The following SSMEM1 variants were observed in gnomAD, a reference collection of about 807,000 sequenced individuals.
SSMEM1 encodes serine rich single-pass membrane protein 1, also known as serine-rich single-pass membrane protein 1.
SSMEM1 carries 12 observed loss-of-function variants against 9.9 expected under a neutral mutation model. The ratio of observed to expected loss-of-function variants is 1.21; its 90% CI spans 0.78 to 1.96. The LOEUF (loss-of-function observed/expected upper bound fraction) is 1.96, where lower values mean the gene tolerates loss of function less well. Ranked by LOEUF, SSMEM1 falls within the 30% of genes most tolerant of loss-of-function variation. SSMEM1 has a pLI of 0.00. For synonymous variants in SSMEM1, 96 were observed against 98.9 expected, an observed-to-expected ratio of 0.97 and a Z score of 0.17; for missense variants, 259 against 292.2, an observed-to-expected ratio of 0.89 and a Z score of 0.83.
At chr7:130,212,761 C>CA (rs545989908) in intron 1 of SSMEM1, among the ~76,000 whole-genome samples, 3 of 151,220 alleles carry the variant, frequency 2.0e-5, no homozygotes, top group African/African-American at 7.3e-5. Context: ...AAAAACAAAA[C>CA]AAAAAAACAA....
At chr7:130,208,658 T>G (rs1348812065) in intron 1 of SSMEM1, among the ~76,000 whole-genome samples, 3 of 152,212 alleles carry the variant, frequency 2.0e-5, no homozygotes, top group Non-Finnish European at 4.4e-5. Flanking sequence ...GTGATTCTAA[T>G]CAAAGATATG....
intron 1 of SSMEM1, among the ~76,000 whole-genome samples, chr7:130,212,429 A>G (rs1798608158): frequency 6.6e-6 from 1 of 152,154 alleles, no homozygotes; most frequent in African/African-American, 2.4e-5. Flanking sequence ...GTCCTTTAAG[A>G]ACTAAACTAA....
intron 1 of SSMEM1, among the ~76,000 whole-genome samples, chr7:130,210,275 A>G (rs1325220732): frequency 6.6e-6 from 1 of 152,190 alleles, no homozygotes; most frequent in Non-Finnish European, 1.5e-5. Flanking sequence ...CCAGATTTGA[A>G]ATCTGAGAAC....
upstream of SSMEM1, among the ~76,000 whole-genome samples, chr7:130,206,673 AGGG>A (rs1218808767): frequency 6.6e-6 from 1 of 152,190 alleles, no homozygotes; most frequent in Non-Finnish European, 1.5e-5. Flanking sequence ...TCAAAGTGAA[AGGG>A]CTCAAGGTGC....
intron 2 of SSMEM1, among the ~76,000 whole-genome samples, chr7:130,215,219 A>T (rs1258286354): frequency 6.6e-6 from 1 of 152,172 alleles, no homozygotes; most frequent in Non-Finnish European, 1.5e-5. Context: ...CAGGAGGATC[A>T]CTTGAACCTG....
intron 1 of SSMEM1, among the ~76,000 whole-genome samples, chr7:130,211,370 A>T (rs1798588537): frequency 6.6e-6 from 1 of 152,110 alleles, no homozygotes; most frequent in South Asian, 2.1e-4. Flanking sequence ...CGTGTTAGCC[A>T]GGATGGTCTC....
At position 130,216,491 on chromosome 7, in the gene SSMEM1, C is replaced by T. The variant is rs765697399; in HGVS notation, c.*21C>T. ...TTTGAATTTTATCACGTTCTTCCTT[C>T]ACTTGAAGCCAAATGAAAGAGATGA... On this transcript the variant is annotated 3_prime_UTR_variant, in exon 3 of 3. Coordinates refer to ENST00000297819, the MANE Select transcript of SSMEM1 (RefSeq NM_145268.4). The T allele has an allele frequency of 5.0e-6, 8 of 1,600,614 alleles. No homozygotes were observed. Among genetic ancestry groups the T allele is most frequent in the African/African-American group, 4.0e-5 (3 of 74,216 alleles).
chr7:130,212,453 C>G (rs1042021089), intron 1 of SSMEM1, among the ~76,000 whole-genome samples: 1 of 152,054 alleles, frequency 6.6e-6, no homozygotes, highest in South Asian at 2.1e-4. Flanking sequence ...GGGCCAGGCG[C>G]GGTGGCTTAC....
chr7:130,216,335 C>T lies in SSMEM1; in HGVS notation c.600C>T (p.His200=). The change falls in exon 3 of 3, where the codon CAC becomes CAT. Residue 200 remains histidine, a synonymous_variant. Transcript: ENST00000297819. ...AAATGAGCGAAAGGCACTGCCTCCACTGCAAAGCCTTGAGAACCAACGAAT... is the reference window on the plus strand; with the variant it reads ...AAATGAGCGAAAGGCACTGCCTCCATTGCAAAGCCTTGAGAACCAACGAAT... ...SYQMSERHCL[H]CKALRTNEWL... 6.2e-7 allele frequency: 1 copy of T among 1,614,238 alleles called. No individual in the cohort carries two copies. Among genetic ancestry groups the T allele is most frequent in the Non-Finnish European group, 8.5e-7 (1 of 1,180,046 alleles).
chr7:130,206,306 C>T (rs1798466513), upstream of SSMEM1, among the ~76,000 whole-genome samples: 1 of 152,190 alleles, frequency 6.6e-6, no homozygotes, highest in African/African-American at 2.4e-5. Context: ...GCAGTGCTCC[C>T]CAAGGAGGCG....
At chr7:130,212,657 G>A (rs1188538122) in intron 1 of SSMEM1, among the ~76,000 whole-genome samples, 5 of 151,778 alleles carry the variant, frequency 3.3e-5, no homozygotes, top group South Asian at 2.1e-4. Context: ...CCTGGGAGGC[G>A]GAGATTTCAG....
In SSMEM1 at chr7:130,216,079, C is replaced by G. The variant is rs770136220; in HGVS notation, c.344C>G (p.Ser115Ter). ...KQNQLTPVTN[S>*]EVALVNAYPE... is the part of the protein sequence containing the mutation. ...AACCAACTTACCCCTGTAACCAACT[C>G]AGAAGTGGCTTTGGTCAATGCCTAT... Residue 115 changes from serine to a stop codon, truncating the protein, a stop_gained, in exon 3 of 3, where the codon TCA becomes TGA. Coordinates refer to ENST00000297819, the MANE Select transcript of SSMEM1 (RefSeq NM_145268.4). LOFTEE classifies it low-confidence loss of function (END_TRUNC). 6.2e-7 allele frequency: 1 copy of G among 1,614,232 alleles called. No individual in the cohort carries two copies. Among genetic ancestry groups the G allele is most frequent in the Admixed American group, 1.7e-5 (1 of 60,024 alleles).
chr7:130,216,128 C>T lies in SSMEM1; in HGVS notation c.393C>T (p.Arg131=). Residue 131 remains arginine, a synonymous_variant, in exon 3 of 3, where the codon CGC becomes CGT. Coordinates refer to ENST00000297819, the MANE Select transcript of SSMEM1 (RefSeq NM_145268.4). ...NAYPEQRRAR[R]QSQFNEVNQN... ...ATCCTGAACAAAGACGAGCCAGGCG[C>T]CAGTCTCAGTTCAATGAGGTGAACC... 1 of 1,614,158 alleles carries T rather than the reference C, an allele frequency of 6.2e-7. No homozygotes were observed. The highest frequency in any genetic ancestry group is 1.1e-5 in the South Asian group (1 of 91,070).
In SSMEM1 at chr7:130,216,118, G is replaced by C. The variant is rs759255478; in HGVS notation, c.383G>C (p.Arg128Pro). The change falls in exon 3 of 3, where the codon CGA (arginine) becomes CCA (proline). Residue 128 changes from arginine (R) to proline (P), a missense_variant. By Grantham distance (103) the Arg-to-Pro change is moderately radical (BLOSUM62 -2). Coordinates refer to ENST00000297819, the MANE Select transcript of SSMEM1 (RefSeq NM_145268.4). ...ALVNAYPEQR[R>P]ARRQSQFNEV... ...GTCAATGCCTATCCTGAACAAAGAC[G>C]AGCCAGGCGCCAGTCTCAGTTCAAT... The C allele has an allele frequency of 1.1e-5, 17 of 1,614,022 alleles. No homozygotes were observed. The highest frequency in any genetic ancestry group is 3.3e-5 in the Admixed American group (2 of 59,994).
At chr7:130,209,698 G>C (rs573545040) in intron 1 of SSMEM1, among the ~76,000 whole-genome samples, 1 of 152,302 alleles carries the variant, frequency 6.6e-6, no homozygotes, top group Non-Finnish European at 1.5e-5. Context: ...TCCTGCCTCA[G>C]CCTCCTGAGT....
At chr7:130,213,826 T>C (rs1254701075) in intron 2 of SSMEM1, among the ~76,000 whole-genome samples, 1 of 152,112 alleles carries the variant, frequency 6.6e-6, no homozygotes, top group East Asian at 1.9e-4. Flanking sequence ...ATTGTAAGAC[T>C]TTGCACACTA....
At chr7:130,209,110 G>A (rs561872387) in intron 1 of SSMEM1, among the ~76,000 whole-genome samples, 1 of 152,050 alleles carries the variant, frequency 6.6e-6, no homozygotes, top group Non-Finnish European at 1.5e-5. Flanking sequence ...TAGTCTGCCC[G>A]CTTTGGCCTC....
chr7:130,210,399 G>A (rs145527962), intron 1 of SSMEM1, among the ~76,000 whole-genome samples: 1 of 152,174 alleles, frequency 6.6e-6, no homozygotes, highest in African/African-American at 2.4e-5. Context: ...GTAAAAGCAC[G>A]ATGGAAATGT....
At chr7:130,208,615 G>A (rs757266116) in intron 1 of SSMEM1, among the ~76,000 whole-genome samples, 2 of 152,128 alleles carry the variant, frequency 1.3e-5, no homozygotes, top group Non-Finnish European at 2.9e-5. Flanking sequence ...CCTCCCTGCT[G>A]GTTAATGACT....
Sources: allele counts gnomAD v4.1 joint callset (sites outside exome capture counted in the v4.1 genomes callset), GRCh38; gene constraint gnomAD v4.1.1; transcripts MANE v1.5; gene names NCBI Gene and HGNC (gene_info 2026-07-23, HGNC 2026-07-21).